Variants in SPIDR observed in about 807,000 individuals in gnomAD.
The protein encoded by SPIDR is scaffold protein involved in DNA repair.
Under a neutral mutation model 104.6 loss-of-function variants are expected in SPIDR, and 93 were observed. That is an observed-to-expected ratio of 0.89 (90% confidence interval 0.75 to 1.06). The LOEUF is 1.06. Among genes scored for constraint, SPIDR ranks in the 50% least tolerant of loss-of-function variants. The probability of loss-of-function intolerance (pLI) is 0.00; values close to 1 mark genes in which losing one functional copy is unlikely to be tolerated. For synonymous variants in SPIDR, 431 were observed against 416.9 expected (o/e 1.03, Z -0.41); for missense variants, 1,154 against 1,111.2 (o/e 1.04, Z -0.55).
intron 8 of SPIDR, among the ~76,000 whole-genome samples, chr8:47,533,667 A>C (rs997695825): frequency 6.6e-6 from 1 of 152,146 alleles, no homozygotes; most frequent in Non-Finnish European, 1.5e-5. Context: ...GGGAAAAAAA[A>C]CCTCAACATC....
At chr8:47,307,907 T>C (rs2043383124) in intron 5 of SPIDR, among the ~76,000 whole-genome samples, 1 of 152,206 alleles carries the variant, frequency 6.6e-6, no homozygotes, top group African/African-American at 2.4e-5. Context: ...ATCAGGTCTT[T>C]TTCAAGGACA....
At chr8:47,724,239 C>T (rs1392423779) in intron 16 of SPIDR, among the ~76,000 whole-genome samples, 1 of 152,136 alleles carries the variant, frequency 6.6e-6, no homozygotes, top group Non-Finnish European at 1.5e-5. Context: ...CTGCCAGATC[C>T]TTTAATGAGA....
At chr8:47,447,300 G>A (rs754809742) in intron 8 of SPIDR, among the ~76,000 whole-genome samples, 6 of 152,086 alleles carry the variant, frequency 3.9e-5, no homozygotes, top group Admixed American at 2.0e-4. Flanking sequence ...TGCAACCTCC[G>A]CCTCCCGGGC....
chr8:47,299,742 A>C (rs7388525), intron 5 of SPIDR, among the ~76,000 whole-genome samples: 45,879 of 152,030 alleles, frequency 0.3, 7,128 homozygotes, highest in South Asian at 0.54. Flanking sequence ...TGTTTATATG[A>C]TGGATTACAT....
At chr8:47,723,320 A>G (rs914226811) in intron 16 of SPIDR, among the ~76,000 whole-genome samples, 8 of 151,270 alleles carry the variant, frequency 5.3e-5, no homozygotes, top group African/African-American at 1.9e-4. Flanking sequence ...ACTGTTTTCT[A>G]TTCATTGACC....
chr8:47,491,934 A>G (rs1370242651), intron 8 of SPIDR, among the ~76,000 whole-genome samples: 1 of 152,178 alleles, frequency 6.6e-6, no homozygotes, highest in Non-Finnish European at 1.5e-5. Context: ...CCACACAGCA[A>G]CCTACAATGA....
At chr8:47,629,730 G>C (rs970040146) in intron 10 of SPIDR, among the ~76,000 whole-genome samples, 2 of 152,220 alleles carry the variant, frequency 1.3e-5, no homozygotes, top group Non-Finnish European at 2.9e-5. Flanking sequence ...CTCCAGCCTG[G>C]GTGACAGAAC....
chr8:47,528,485 G>T (rs970987526), intron 8 of SPIDR, among the ~76,000 whole-genome samples: 19 of 152,184 alleles, frequency 1.2e-4, no homozygotes, highest in African/African-American at 4.6e-4. Flanking sequence ...TTTTGCAGAG[G>T]TGTTAGAATT....
At chr8:47,447,450 G>A (rs1282600331) in intron 8 of SPIDR, among the ~76,000 whole-genome samples, 1 of 152,156 alleles carries the variant, frequency 6.6e-6, no homozygotes, top group Non-Finnish European at 1.5e-5. Flanking sequence ...CTGACCTCAG[G>A]TAATCCGCCT....
intron 5 of SPIDR, among the ~76,000 whole-genome samples, chr8:47,368,342 TC>T (rs1240461006): frequency 1.3e-4 from 3 of 22,264 alleles, no homozygotes; most frequent in African/African-American, 5.8e-4. Flanking sequence ...AGTTGAGAAG[TC>T]AAAAAAAAAA....
chr8:47,731,788 G>C (rs577934448), intron 19 of SPIDR, among the ~76,000 whole-genome samples: 2 of 152,230 alleles, frequency 1.3e-5, no homozygotes, highest in Non-Finnish European at 2.9e-5. Context: ...GCAGTGCCCA[G>C]AAAGGGGGGA....
chr8:47,263,252 T>G (rs929782604), intron 1 of SPIDR, among the ~76,000 whole-genome samples: 3 of 152,256 alleles, frequency 2.0e-5, no homozygotes, highest in Non-Finnish European at 2.9e-5. Context: ...CTGTGTCTTA[T>G]TCCTTTACAG....
intron 5 of SPIDR, among the ~76,000 whole-genome samples, chr8:47,376,931 G>A (rs557199034): frequency 6.6e-6 from 1 of 152,214 alleles, no homozygotes; most frequent in South Asian, 2.1e-4. Flanking sequence ...AAGTTTTATT[G>A]GAGTACAACC....
At position 47,360,189 on chromosome 8, in the gene SPIDR, C is replaced by T. The variant is rs970763768; in HGVS notation, c.526-36187C>T. ...CCCGGGAGGCGGAGGTTGCAGTGAG[C>T]GGAGATCGCGCCACTGTGCTCCAGC... On this transcript the variant is annotated intron_variant, in intron 5 of 19. Transcript: ENST00000297423. Among the ~76,000 whole-genome samples the T allele has an allele frequency of 3.8e-4, 46 of 120,978 alleles. 1 individual carries two copies. The Admixed American group carries it at 4.1e-3, about 11-fold the overall frequency. The allele number at this position is 120,978 out of a possible 152,430, so 79.4% of individuals were successfully genotyped here. A position where few individuals can be genotyped will look rare whatever the true frequency, so the allele number is the denominator to read the frequency against.
intron 11 of SPIDR, among the ~76,000 whole-genome samples, chr8:47,681,411 G>A (rs2077085863): frequency 6.6e-6 from 1 of 152,068 alleles, no homozygotes; most frequent in South Asian, 2.1e-4. Context: ...AGAAGGTACA[G>A]TAAGCTCTAC....
intron 8 of SPIDR, among the ~76,000 whole-genome samples, chr8:47,590,782 C>CT (rs1368331546): frequency 1.3e-5 from 2 of 152,072 alleles, no homozygotes; most frequent in South Asian, 4.1e-4. Context: ...TTTGTCTATT[C>CT]TTTGAGTTTT....
intron 8 of SPIDR, among the ~76,000 whole-genome samples, chr8:47,539,588 T>C (rs966172850): frequency 6.6e-6 from 1 of 152,348 alleles, no homozygotes; most frequent in African/African-American, 2.4e-5. Flanking sequence ...TTTCTGGCCA[T>C]GTCCTTTGGC....
intron 3 of SPIDR, among the ~76,000 whole-genome samples, chr8:47,288,563 G>T (rs1361820429): frequency 6.6e-6 from 1 of 152,190 alleles, no homozygotes; most frequent in Non-Finnish European, 1.5e-5. Context: ...GATTACAGGC[G>T]TGAGCCACCG....
At chr8:47,732,015 A>G in intron 19 of SPIDR, 1 of 638,460 alleles carries the variant, frequency 1.6e-6, no homozygotes, top group Non-Finnish European at 2.8e-6. Flanking sequence ...CATGCTACTC[A>G]GAAGGGTGGG....
Sources: allele counts gnomAD v4.1 joint callset (sites outside exome capture counted in the v4.1 genomes callset), GRCh38; gene constraint gnomAD v4.1.1; transcripts MANE v1.5; gene names NCBI Gene and HGNC (gene_info 2026-07-23, HGNC 2026-07-21).